SLIT3: variants seen among roughly 807,000 people sequenced by gnomAD.
SLIT3 encodes the protein slit guidance ligand 3.
SLIT3 carries 68 observed loss-of-function variants against 184.0 expected under a neutral mutation model. The ratio of observed to expected loss-of-function variants is 0.37; its 90% CI spans 0.30 to 0.45. The LOEUF (loss-of-function observed/expected upper bound fraction) is 0.45. Among genes scored for constraint, SLIT3 ranks in the 20% least tolerant of loss-of-function variants. The pLI is 1.00. For synonymous variants in SLIT3, 831 were observed against 828.6 expected, an observed-to-expected ratio of 1.00 and a Z score of -0.05; for missense variants, 1,707 against 2,026.0, an observed-to-expected ratio of 0.84 and a Z score of 3.02.
chr5:168,783,573 T>C (rs921157582), intron 12 of SLIT3, among the ~76,000 whole-genome samples: 1 of 152,010 alleles, frequency 6.6e-6, no homozygotes, highest in Non-Finnish European at 1.5e-5. Context: ...ATTTGAGAGA[T>C]GGAATGAGAA....
At chr5:169,167,268 C>T (rs1762669389) in intron 4 of SLIT3, among the ~76,000 whole-genome samples, 2 of 90,626 alleles carry the variant, frequency 2.2e-5, no homozygotes, top group Admixed American at 1.4e-4. Context: ...GTTCTAAGCA[C>T]TTTTTTTTTT....
chr5:168,888,526 C>G (rs777200673), intron 4 of SLIT3, among the ~76,000 whole-genome samples: 5 of 152,194 alleles, frequency 3.3e-5, no homozygotes, highest in Non-Finnish European at 7.3e-5. Context: ...AAGTCCTCAG[C>G]AGATTAAAAT....
At chr5:168,670,386 G>C (rs1761199129) in intron 34 of SLIT3, among the ~76,000 whole-genome samples, 1 of 152,164 alleles carries the variant, frequency 6.6e-6, no homozygotes. Context: ...TATGTACCAG[G>C]AATTGTGTTA....
intron 1 of SLIT3, among the ~76,000 whole-genome samples, chr5:169,260,763 A>C (rs1170349885): frequency 6.6e-6 from 1 of 152,232 alleles, no homozygotes; most frequent in African/African-American, 2.4e-5. Flanking sequence ...CTTCATCATT[A>C]AGTTTCAGGA....
intron 4 of SLIT3, among the ~76,000 whole-genome samples, chr5:169,029,214 G>A (rs1756937979): frequency 1.3e-5 from 2 of 152,188 alleles, no homozygotes. Flanking sequence ...GAAACAGTAG[G>A]TATTTGTTGA....
chr5:168,845,146 C>A (rs1412977831), intron 5 of SLIT3, among the ~76,000 whole-genome samples: 1 of 152,084 alleles, frequency 6.6e-6, no homozygotes, highest in Non-Finnish European at 1.5e-5. Context: ...AATCTCAAGG[C>A]TTTATCTACC....
chr5:168,691,672 G>A (rs550418340), intron 29 of SLIT3, among the ~76,000 whole-genome samples: 2 of 152,322 alleles, frequency 1.3e-5, no homozygotes, highest in East Asian at 3.9e-4. Context: ...GCCCCGGACT[G>A]CCTGTTTCCC....
intron 3 of SLIT3, among the ~76,000 whole-genome samples, chr5:169,194,233 CAAAAAAAAAAAA>C (rs10571842): frequency 1.6e-5 from 1 of 61,394 alleles, no homozygotes; most frequent in Non-Finnish European, 2.7e-5. Context: ...GACTCTGTCT[CAAAAAAAAAAAA>C]AAAAAAAAAA....
At position 168,789,127 on chromosome 5, in the gene SLIT3, G is replaced by C. The variant is rs948815899; in HGVS notation, c.1079+433C>G. The stretch of plus-strand genomic sequence containing the variant: ...TCTTAGGACAATGGCCATGAGGGTG[G>C]TCTGGAGAGAAAGCCTGAAAATCAG... On this transcript the variant is annotated intron_variant, in intron 11 of 35. Coordinates refer to ENST00000519560, the MANE Select transcript of SLIT3 (RefSeq NM_003062.4). Among the ~76,000 whole-genome samples, 10 of 152,200 alleles carry C rather than the reference G, an allele frequency of 6.6e-5. No individual in the cohort carries two copies. In the South Asian group the frequency reaches 1.9e-3, roughly 29 times the overall value.
chr5:168,760,785 C>T (rs1488838889), intron 16 of SLIT3, 77 bp downstream of exon 16: 1 of 1,074,794 alleles, frequency 9.3e-7, no homozygotes. Flanking sequence ...GAGGCCGGTC[C>T]CCTGGTTCCT....
At chr5:168,869,139 C>G (rs1394863422) in intron 5 of SLIT3, among the ~76,000 whole-genome samples, 1 of 152,222 alleles carries the variant, frequency 6.6e-6, no homozygotes, top group Non-Finnish European at 1.5e-5. Flanking sequence ...GAAATCCAGA[C>G]TTTCAAGCAA....
intron 3 of SLIT3, among the ~76,000 whole-genome samples, chr5:169,224,417 G>A (rs982619375): frequency 9.9e-5 from 15 of 151,672 alleles, no homozygotes; most frequent in Middle Eastern, 3.4e-3. Flanking sequence ...GCTCAGTCTG[G>A]AGTGCAGTGG....
Position 169,053,477 on chromosome 5 carries a change from G to A in SLIT3, c.413+140002C>T, listed in dbSNP as rs560343676. ...TTCTTTGGGCTACTAAGATTGCTTT[G>A]AATAATGTGCTAAGTATTTGTAGAA... On this transcript the variant is annotated intron_variant, in intron 4 of 35. Coordinates refer to ENST00000519560, the MANE Select transcript of SLIT3 (RefSeq NM_003062.4). Among the ~76,000 whole-genome samples the A allele has an allele frequency of 2.6e-5, 4 of 152,206 alleles. No individual in the cohort carries two copies. The East Asian group carries it at 7.7e-4, about 29-fold the overall frequency.
At chr5:168,839,556 A>T (rs1278734338) in intron 6 of SLIT3, among the ~76,000 whole-genome samples, 1 of 152,172 alleles carries the variant, frequency 6.6e-6, no homozygotes, top group Non-Finnish European at 1.5e-5. Context: ...TGAAATGCTA[A>T]TTTCAATTTT....
intron 6 of SLIT3, among the ~76,000 whole-genome samples, chr5:168,836,938 T>C (rs1758071422): frequency 6.6e-6 from 1 of 152,096 alleles, no homozygotes; most frequent in Non-Finnish European, 1.5e-5. Flanking sequence ...GTGAAAGTGC[T>C]ACTTACTTAA....
intron 4 of SLIT3, among the ~76,000 whole-genome samples, chr5:169,102,258 C>A (rs1561665894): frequency 1.3e-5 from 2 of 152,124 alleles, no homozygotes; most frequent in African/African-American, 4.8e-5. Context: ...TCACTCCCAG[C>A]CAATTTGAGG....
Position 169,100,969 on chromosome 5 carries a change from G to T in SLIT3, c.413+92510C>A, listed in dbSNP as rs150935431. On this transcript the variant is annotated intron_variant, in intron 4 of 35. Transcript: ENST00000519560. ...TTTAAATAAGTAGCCCAGCATGGGAGTCAGCGTGAAAGTTGACCATTGGAG... is the reference window on the plus strand; with the variant it reads ...TTTAAATAAGTAGCCCAGCATGGGATTCAGCGTGAAAGTTGACCATTGGAG... 8.4e-4 allele frequency among the ~76,000 whole-genome samples: 128 copies of T among 152,322 alleles called. 1 individual carries two copies. Among genetic ancestry groups the T allele is most frequent in the African/African-American group, 2.9e-3 (122 of 41,580 alleles).
chr5:168,747,086 C>T (rs1438863443), intron 20 of SLIT3, among the ~76,000 whole-genome samples: 1 of 151,888 alleles, frequency 6.6e-6, no homozygotes, highest in South Asian at 2.1e-4. Flanking sequence ...TGGCTCTGCC[C>T]GCTCCCATAC....
At chr5:168,702,977 G>T (rs1762261670) in intron 26 of SLIT3, among the ~76,000 whole-genome samples, 1 of 152,144 alleles carries the variant, frequency 6.6e-6, no homozygotes, top group African/African-American at 2.4e-5. Flanking sequence ...TGGTGGAGGT[G>T]GTGGCAACTC....
Sources: gnomAD v4.1 joint callset for allele counts (sites outside exome capture counted in the v4.1 genomes callset) on GRCh38, gnomAD v4.1.1 for gene constraint, MANE v1.5 for transcripts, NCBI Gene and HGNC (gene_info 2026-07-23, HGNC 2026-07-21) for gene names.